The following ZBTB44 variants were observed in gnomAD, a reference collection of about 807,000 sequenced individuals.
The protein encoded by ZBTB44 is zinc finger and BTB domain containing 44.
A neutral mutation model predicts 54.0 loss-of-function variants in ZBTB44; 15 were observed. That is an observed-to-expected ratio of 0.28 (90% confidence interval 0.19 to 0.43). The LOEUF (loss-of-function observed/expected upper bound fraction) is 0.43. Ranked by LOEUF, ZBTB44 falls within the 20% of genes least tolerant of loss-of-function variation. The probability of loss-of-function intolerance (pLI) is 1.00; values close to 1 mark genes in which losing one functional copy is unlikely to be tolerated. For missense variants in ZBTB44, 487 were observed against 707.1 expected (o/e 0.69, Z 3.53); for synonymous variants, 230 against 250.1 (o/e 0.92, Z 0.76).
chr11:130,251,001 C>T (rs944648315), intron 2 of ZBTB44, among the ~76,000 whole-genome samples: 2 of 152,146 alleles, frequency 1.3e-5, no homozygotes, highest in Admixed American at 1.3e-4. Flanking sequence ...TCTCCACTAA[C>T]GGAGCATGTT....
At chr11:130,295,871 A>T (rs7941360) in intron 1 of ZBTB44, 35,412 of 1,437,724 alleles carry the variant, frequency 0.025, 1,347 homozygotes, top group African/African-American at 0.17. Flanking sequence ...AAGGAGCTAA[A>T]GACTCACCAC....
intron 2 of ZBTB44, among the ~76,000 whole-genome samples, chr11:130,249,156 T>C (rs1444855606): frequency 6.6e-6 from 1 of 152,072 alleles, no homozygotes; most frequent in Non-Finnish European, 1.5e-5. Context: ...TATATATACT[T>C]GGGAGTGGTA....
At chr11:130,282,045 A>C (rs1940568055) in intron 1 of ZBTB44, among the ~76,000 whole-genome samples, 1 of 152,132 alleles carries the variant, frequency 6.6e-6, no homozygotes, top group Admixed American at 6.6e-5. Context: ...AGTGAGACCC[A>C]ATTTCTTAAA....
chr11:130,308,405 T>C (rs1486277742), intron 1 of ZBTB44, among the ~76,000 whole-genome samples: 1 of 152,250 alleles, frequency 6.6e-6, no homozygotes, highest in East Asian at 1.9e-4. Flanking sequence ...AGCAGCTAAG[T>C]GCTAACTCTA....
chr11:130,312,784 A>T (rs537892216), intron 1 of ZBTB44, among the ~76,000 whole-genome samples: 122 of 152,356 alleles, frequency 8.0e-4, no homozygotes, highest in Non-Finnish European at 1.4e-3. Flanking sequence ...ACACTTTGGA[A>T]CAACTGAGGA....
At chr11:130,306,300 C>G (rs1425811172) in intron 1 of ZBTB44, among the ~76,000 whole-genome samples, 1 of 151,884 alleles carries the variant, frequency 6.6e-6, no homozygotes, top group African/African-American at 2.4e-5. Flanking sequence ...GTCGGGAGTT[C>G]GAGACCAGCC....
intron 1 of ZBTB44, chr11:130,296,537 G>A (rs1941662953): frequency 2.2e-6 from 2 of 891,866 alleles, no homozygotes; most frequent in Non-Finnish European, 3.6e-6. Context: ...CAACTGGATT[G>A]TTCACTATGA....
chr11:130,244,685 AAGAAAG>A (rs1441118789), intron 2 of ZBTB44, among the ~76,000 whole-genome samples: 2 of 77,256 alleles, frequency 2.6e-5, no homozygotes, highest in South Asian at 4.2e-4. Context: ...AAAAAAAAAA[AAGAAAG>A]AAAATGTACT....
In ZBTB44 at chr11:130,229,441, TTTA is replaced by T. The variant is rs1232753213; in HGVS notation, c.*2320_*2322del. The T allele has an allele frequency of 3.3e-5, 5 of 152,194 alleles. No individual in the cohort carries two copies. Among genetic ancestry groups the T allele is most frequent in the Admixed American group, 6.5e-5 (1 of 15,274 alleles). The allele number at this position is 152,194 out of a possible 1,614,324, so 9.4% of individuals were successfully genotyped here. ...GAGCCTGGGATTGAATCAATTCCAC[TTTA>T]TTGTTTAATCTGAACCATTATTGCT... is the stretch of plus-strand genomic sequence containing the variant. On this transcript the variant is annotated 3_prime_UTR_variant, in exon 8 of 8. Coordinates refer to ENST00000357899, the MANE Select transcript of ZBTB44 (RefSeq NM_001301098.2).
At chr11:130,250,326 G>A (rs943773315) in intron 2 of ZBTB44, among the ~76,000 whole-genome samples, 1 of 152,226 alleles carries the variant, frequency 6.6e-6, no homozygotes, top group African/African-American at 2.4e-5. Context: ...AGGGGCGGCT[G>A]TGGGCGCAGC....
rs1045216578 is a variant in ZBTB44, at chr11:130,227,884, G to A, written c.*3880C>T. On this transcript the variant is annotated 3_prime_UTR_variant, in exon 8 of 8. Transcript: ENST00000357899. ...CTGACTTTCTCATTATGCTTCTCTG[G>A]AAAGACACTTCTAAATCCTGGAGAT... The A allele has an allele frequency of 1.3e-5, 2 of 151,834 alleles. No homozygotes were observed. The highest frequency in any genetic ancestry group is 2.9e-5 in the Non-Finnish European group (2 of 67,980). 9.4% of individuals were successfully genotyped at this position (151,834 alleles called of 1,614,324 possible).
chr11:130,277,426 A>G (rs952130065), intron 1 of ZBTB44, among the ~76,000 whole-genome samples: 2 of 152,176 alleles, frequency 1.3e-5, no homozygotes, highest in Non-Finnish European at 2.9e-5. Flanking sequence ...TACAGATATC[A>G]TATCTGCTCA....
rs202106090 is a variant in ZBTB44, at chr11:130,313,938, T to TTGTGTGTG, written c.-57+429_-57+436dup. Among the ~76,000 whole-genome samples, 300 of 98,558 alleles carry TTGTGTGTG rather than the reference T, an allele frequency of 3.0e-3. 1 individual carries two copies. Among genetic ancestry groups the TTGTGTGTG allele is most frequent in the African/African-American group, 9.8e-3 (289 of 29,392 alleles). The allele number at this position is 98,558 out of a possible 152,430, so 64.7% of individuals were successfully genotyped here. On this transcript the variant is annotated intron_variant, in intron 1 of 7. Coordinates refer to ENST00000357899, the MANE Select transcript of ZBTB44 (RefSeq NM_001301098.2). ...TGTGTGTGTGTATGTGTGTGTGTGT[T>TTGTGTGTG]TGTGTGTGTGTATATATATATATAT... is the stretch of plus-strand genomic sequence containing the variant.
At chr11:130,309,895 C>CAAA (rs58743892) in intron 1 of ZBTB44, among the ~76,000 whole-genome samples, 1,596 of 71,492 alleles carry the variant, frequency 0.022, 27 homozygotes, top group African/African-American at 0.053. Context: ...GACTGCATCT[C>CAAA]AAAAAAAAAA....
chr11:130,256,795 C>A (rs187014676), intron 2 of ZBTB44, among the ~76,000 whole-genome samples: 1 of 151,872 alleles, frequency 6.6e-6, no homozygotes, highest in African/African-American at 2.4e-5. Flanking sequence ...AGTATCATAC[C>A]GAATGAGTAA....
chr11:130,261,964 T>A lies in ZBTB44; in HGVS notation c.-56-35A>T. 1.5e-6 allele frequency: 2 copies of A among 1,360,620 alleles called. No homozygotes were observed. The highest frequency in any genetic ancestry group is 2.4e-4 in the Middle Eastern group (1 of 4,150). 84.3% of individuals were successfully genotyped at this position (1,360,620 alleles called of 1,614,324 possible). ...ACATAAAATAAAGCATTAATTGATA[T>A]TTTAGTGGTTTAAAATGTGATTTAG... On this transcript the variant is annotated intron_variant, in intron 1 of 7. Transcript: ENST00000357899. This position sits in a 1 kb window ranked among gnomAD's most constrained non-coding sequence, Gnocchi z 4.8.
chr11:130,272,426 T>C lies in ZBTB44; in HGVS notation c.-56-10497A>G, dbSNP rs564628139. Among the ~76,000 whole-genome samples, 4 of 152,340 alleles carry C rather than the reference T, an allele frequency of 2.6e-5. No individual in the cohort carries two copies. In the East Asian group the frequency reaches 5.8e-4, roughly 22 times the overall value. ...ACATTAGTGTATCTTCCTTGTCCATTTGGAGCTCTGCCCATTGGGTTGTCT... is the reference window on the plus strand; with the variant it reads ...ACATTAGTGTATCTTCCTTGTCCATCTGGAGCTCTGCCCATTGGGTTGTCT... On this transcript the variant is annotated intron_variant, in intron 1 of 7. Transcript: ENST00000357899.
In ZBTB44 at chr11:130,229,445, T is replaced by C. The variant is rs1203462799; in HGVS notation, c.*2319A>G. 6.6e-6 allele frequency: 1 copy of C among 152,190 alleles called. No individual in the cohort carries two copies. Among genetic ancestry groups the C allele is most frequent in the Non-Finnish European group, 1.5e-5 (1 of 68,022 alleles). 9.4% of individuals were successfully genotyped at this position (152,190 alleles called of 1,614,324 possible). ...CTGGGATTGAATCAATTCCACTTTATTGTTTAATCTGAACCATTATTGCTT... is the reference window on the plus strand; with the variant it reads ...CTGGGATTGAATCAATTCCACTTTACTGTTTAATCTGAACCATTATTGCTT... On this transcript the variant is annotated 3_prime_UTR_variant, in exon 8 of 8. Transcript: ENST00000357899.
intron 1 of ZBTB44, among the ~76,000 whole-genome samples, chr11:130,267,842 C>T (rs773156581): frequency 1.3e-5 from 2 of 151,870 alleles, no homozygotes; most frequent in Non-Finnish European, 2.9e-5. Flanking sequence ...GAGGCCAGGG[C>T]AGGTGGATCC....
Sources: allele counts gnomAD v4.1 joint callset (sites outside exome capture counted in the v4.1 genomes callset), GRCh38; gene constraint gnomAD v4.1.1; non-coding constraint Gnocchi (gnomAD v3.1); transcripts MANE v1.5; gene names NCBI Gene and HGNC (gene_info 2026-07-23, HGNC 2026-07-21).